The following UVRAG variants were observed in gnomAD, a reference collection of about 807,000 sequenced individuals.
UVRAG encodes UV radiation resistance-associated gene protein.
In UVRAG, 19 loss-of-function variants were observed where a neutral mutation model predicts 78.0. That is an observed-to-expected ratio of 0.24 (90% confidence interval 0.17 to 0.36). UVRAG has a LOEUF of 0.36. Among genes scored for constraint, UVRAG ranks in the 10% least tolerant of loss-of-function variants. The pLI, the probability that UVRAG is intolerant of heterozygous loss-of-function variation, is 1.00. For missense variants in UVRAG, 740 were observed against 853.8 expected (o/e 0.87, Z 1.66); for synonymous variants, 323 against 324.6 (o/e 1.00, Z 0.05).
chr11:76,007,068 A>C (rs1048997725), intron 9 of UVRAG, among the ~76,000 whole-genome samples: 1 of 152,090 alleles, frequency 6.6e-6, no homozygotes, highest in Non-Finnish European at 1.5e-5. Context: ...GCTGGAGTGC[A>C]GTGGCATGAT....
At chr11:75,943,219 A>G (rs2135142250) in intron 6 of UVRAG, among the ~76,000 whole-genome samples, 1 of 151,922 alleles carries the variant, frequency 6.6e-6, no homozygotes, top group South Asian at 2.1e-4. Context: ...GTTTCTTTGT[A>G]GTTATCGATC....
At chr11:76,004,157 G>A in intron 9 of UVRAG, 68 bp downstream of exon 9, 3 of 1,501,828 alleles carry the variant, frequency 2.0e-6, no homozygotes, top group Non-Finnish European at 2.8e-6. Flanking sequence ...TGAAAAAGTA[G>A]CATTCTTTAA....
chr11:76,032,501 A>C (rs1185300148), intron 12 of UVRAG, among the ~76,000 whole-genome samples: 1 of 152,240 alleles, frequency 6.6e-6, no homozygotes, highest in Non-Finnish European at 1.5e-5. Flanking sequence ...CATCGCAAGA[A>C]AGCCAACCAT....
At chr11:75,885,089 A>AT (rs1042415467) in intron 4 of UVRAG, among the ~76,000 whole-genome samples, 1 of 152,002 alleles carries the variant, frequency 6.6e-6, no homozygotes, top group African/African-American at 2.4e-5. Context: ...ATACCTATAG[A>AT]TTTTTATGCT....
At chr11:76,014,684 T>C (rs1028335972) in intron 11 of UVRAG, among the ~76,000 whole-genome samples, 4 of 152,354 alleles carry the variant, frequency 2.6e-5, no homozygotes, top group Middle Eastern at 6.8e-3. Flanking sequence ...TCACTCATAG[T>C]TTCTACCTAT....
intron 8 of UVRAG, among the ~76,000 whole-genome samples, chr11:75,998,324 A>T (rs1184009897): frequency 6.6e-6 from 1 of 152,234 alleles, no homozygotes; most frequent in Non-Finnish European, 1.5e-5. Context: ...ACTAAGGATC[A>T]TCAGATATTT....
intron 12 of UVRAG, among the ~76,000 whole-genome samples, chr11:76,045,930 T>A (rs1175668461): frequency 6.6e-6 from 1 of 152,086 alleles, no homozygotes; most frequent in African/African-American, 2.4e-5. Flanking sequence ...CCTAGCACAA[T>A]AACATTTTAA....
In UVRAG at chr11:75,950,963, T is replaced by TACACACACACACAC. The variant is rs35864936; in HGVS notation, c.594-10453_594-10440dup. On this transcript the variant is annotated intron_variant, in intron 6 of 14. Coordinates refer to ENST00000356136, the MANE Select transcript of UVRAG (RefSeq NM_003369.4). The stretch of plus-strand genomic sequence containing the variant: ...TTGGATAGAAGTCCTTTGTCAGGTG[T>TACACACACACACAC]ACACACACACACACACACACACACA... Among the ~76,000 whole-genome samples, 541 of 140,042 alleles carry TACACACACACACAC rather than the reference T, an allele frequency of 3.9e-3. 4 individuals are homozygous for TACACACACACACAC. The highest frequency in any genetic ancestry group is 0.014 in the African/African-American group (522 of 38,100). The allele number at this position is 140,042 out of a possible 152,430, so 91.9% of individuals were successfully genotyped here. A position where few individuals can be genotyped will look rare whatever the true frequency, so the allele number is the denominator to read the frequency against.
At chr11:75,929,105 CTG>C (rs1948175988) in intron 6 of UVRAG, among the ~76,000 whole-genome samples, 1 of 152,004 alleles carries the variant, frequency 6.6e-6, no homozygotes, top group South Asian at 2.1e-4. Context: ...AATTATGTGA[CTG>C]TGAGAATGTG....
intron 6 of UVRAG, among the ~76,000 whole-genome samples, chr11:75,959,017 C>G (rs1465137325): frequency 6.6e-6 from 1 of 152,122 alleles, no homozygotes; most frequent in East Asian, 1.9e-4. Context: ...CTAAAATATT[C>G]ATAAAACCAT....
chr11:75,919,694 C>T (rs1232035472), intron 6 of UVRAG, among the ~76,000 whole-genome samples: 1 of 152,158 alleles, frequency 6.6e-6, no homozygotes, highest in Non-Finnish European at 1.5e-5. Context: ...TATTGCATTT[C>T]ATAACTCAAG....
chr11:76,109,677 A>T (rs923767595), intron 13 of UVRAG, among the ~76,000 whole-genome samples: 1 of 152,240 alleles, frequency 6.6e-6, no homozygotes, highest in African/African-American at 2.4e-5. Context: ...TGCTGAATGA[A>T]TGAATAGAAC....
chr11:75,909,641 A>G (rs760126487), intron 5 of UVRAG, among the ~76,000 whole-genome samples: 1 of 152,192 alleles, frequency 6.6e-6, no homozygotes, highest in Non-Finnish European at 1.5e-5. Flanking sequence ...GCATCTTTAT[A>G]ATGGTGTGCC....
At position 75,983,419 on chromosome 11, in the gene UVRAG, T is replaced by G; in HGVS notation, c.732T>G (p.Ile244Met). 1 of 1,604,312 alleles carries G rather than the reference T, an allele frequency of 6.2e-7. No homozygotes were observed. The highest frequency in any genetic ancestry group is 8.5e-7 in the Non-Finnish European group (1 of 1,175,666). The change falls in exon 8 of 15, where the codon ATT becomes ATG. Residue 244 changes from isoleucine (I) to methionine (M), a missense_variant. Ile to Met is a conservative substitution (Grantham distance 10). Coordinates refer to ENST00000356136, the MANE Select transcript of UVRAG (RefSeq NM_003369.4). ...KKKSECLQLK[I>M]LVLQNELERQ... ...AAAGTGAATGCCTGCAGTTAAAAAT[T>G]TTGGTGCTTCAGAATGAACTGGAAC...
chr11:75,826,112 C>T (rs972610059), intron 1 of UVRAG, among the ~76,000 whole-genome samples: 1 of 151,926 alleles, frequency 6.6e-6, no homozygotes, highest in Non-Finnish European at 1.5e-5. Flanking sequence ...GCTGGGATTA[C>T]AGGCGTGAGC....
chr11:75,927,993 T>G (rs1948150745), intron 6 of UVRAG, among the ~76,000 whole-genome samples: 3 of 152,126 alleles, frequency 2.0e-5, no homozygotes, highest in Admixed American at 2.0e-4. Flanking sequence ...TCCCAGCTAC[T>G]TGGGAGGATG....
chr11:75,833,701 G>A (rs1332580653), intron 1 of UVRAG, among the ~76,000 whole-genome samples: 2 of 152,204 alleles, frequency 1.3e-5, no homozygotes, highest in Non-Finnish European at 2.9e-5. Flanking sequence ...CCAGTGATAA[G>A]CATTGTTTCT....
intron 1 of UVRAG, among the ~76,000 whole-genome samples, chr11:75,843,000 A>T (rs1945949757): frequency 6.6e-6 from 1 of 152,142 alleles, no homozygotes; most frequent in African/African-American, 2.4e-5. Flanking sequence ...CCAGCAAGGG[A>T]GGGTGAATGG....
intron 2 of UVRAG, among the ~76,000 whole-genome samples, chr11:75,858,630 T>C (rs1357000281): frequency 6.6e-6 from 1 of 152,180 alleles, no homozygotes; most frequent in Non-Finnish European, 1.5e-5. Flanking sequence ...TTTCATAAAG[T>C]GGAATTACTA....
Sources: allele counts gnomAD v4.1 joint callset (sites outside exome capture counted in the v4.1 genomes callset), GRCh38; gene constraint gnomAD v4.1.1; transcripts MANE v1.5; gene names NCBI Gene and HGNC (gene_info 2026-07-23, HGNC 2026-07-21).